The following CNTN6 variants were observed in gnomAD, a reference collection of about 807,000 sequenced individuals.
CNTN6 encodes the protein contactin-6.
A neutral mutation model predicts 122.8 loss-of-function variants in CNTN6; 137 were observed. That is an observed-to-expected ratio of 1.12 (90% CI 0.97 to 1.29). The LOEUF (loss-of-function observed/expected upper bound fraction) is 1.29. Ranked by LOEUF, CNTN6 falls within the 50% of genes most tolerant of loss-of-function variation. The probability of loss-of-function intolerance (pLI) is 0.00; values close to 1 mark genes in which losing one functional copy is unlikely to be tolerated. For missense variants in CNTN6, 1,634 were observed against 1,223.4 expected, an observed-to-expected ratio of 1.34 and a Z score of -5.01; for synonymous variants, 570 against 426.0, an observed-to-expected ratio of 1.34 and a Z score of -4.16.
intron 5 of CNTN6, among the ~76,000 whole-genome samples, chr3:1,280,867 C>G (rs947256568): frequency 6.6e-6 from 1 of 152,142 alleles, no homozygotes; most frequent in East Asian, 1.9e-4. Flanking sequence ...TCCTTGATAA[C>G]TGGCTGTTAA....
intron 5 of CNTN6, among the ~76,000 whole-genome samples, chr3:1,282,248 G>A (rs766846998): frequency 3.4e-5 from 5 of 146,788 alleles, no homozygotes; most frequent in Admixed American, 2.8e-4. Flanking sequence ...CTCCAGCATA[G>A]GCCTTCTGTG....
chr3:1,252,576 A>G (rs75357138), intron 4 of CNTN6, among the ~76,000 whole-genome samples: 1 of 152,188 alleles, frequency 6.6e-6, no homozygotes. Flanking sequence ...CATTTTCCCT[A>G]CTAGTCATTT....
intron 11 of CNTN6, among the ~76,000 whole-genome samples, chr3:1,335,257 T>C (rs1702887368): frequency 6.6e-6 from 1 of 152,146 alleles, no homozygotes; most frequent in Non-Finnish European, 1.5e-5. Context: ...ACTGCTACAT[T>C]GGATGTATTT....
chr3:1,116,207 T>C (rs1054758311), intron 1 of CNTN6, among the ~76,000 whole-genome samples: 1 of 152,006 alleles, frequency 6.6e-6, no homozygotes, highest in African/African-American at 2.4e-5. Context: ...TTAAGGGAAG[T>C]CCATTAATAA....
chr3:1,216,576 C>T (rs909430454), intron 2 of CNTN6, among the ~76,000 whole-genome samples: 18 of 152,174 alleles, frequency 1.2e-4, no homozygotes, highest in African/African-American at 4.1e-4. Context: ...TCATCATTTA[C>T]AGGAACACTA....
At chr3:1,210,183 C>T (rs1176118718) in intron 2 of CNTN6, among the ~76,000 whole-genome samples, 1 of 152,144 alleles carries the variant, frequency 6.6e-6, no homozygotes, top group Non-Finnish European at 1.5e-5. Context: ...TGACTTAAAG[C>T]TCCGGTCTGC....
chr3:1,303,738 A>G (rs905713709), intron 7 of CNTN6, among the ~76,000 whole-genome samples: 4 of 152,104 alleles, frequency 2.6e-5, no homozygotes, highest in Non-Finnish European at 5.9e-5. Context: ...TGAATAGTAG[A>G]CACCATAAAT....
intron 11 of CNTN6, among the ~76,000 whole-genome samples, chr3:1,335,982 T>C (rs1391048332): frequency 2.0e-5 from 3 of 151,890 alleles, no homozygotes; most frequent in Non-Finnish European, 4.4e-5. Context: ...CCCAGGATGT[T>C]GAGGCTGCAG....
intron 7 of CNTN6, among the ~76,000 whole-genome samples, chr3:1,307,690 C>A (rs988778986): frequency 6.6e-6 from 1 of 152,104 alleles, no homozygotes; most frequent in Non-Finnish European, 1.5e-5. Flanking sequence ...GTAGCAGAAT[C>A]TCAGACATTT....
chr3:1,334,595 G>A (rs1702783030), intron 11 of CNTN6, among the ~76,000 whole-genome samples: 1 of 152,016 alleles, frequency 6.6e-6, no homozygotes. Flanking sequence ...TTGCTTGGGT[G>A]ACCAGGTGAC....
chr3:1,216,441 T>C (rs1399633861), intron 2 of CNTN6, among the ~76,000 whole-genome samples: 1 of 152,228 alleles, frequency 6.6e-6, no homozygotes, highest in Non-Finnish European at 1.5e-5. Flanking sequence ...TATGTTCCTT[T>C]TCTTTTCAGG....
chr3:1,260,554 A>G (rs950763759), intron 4 of CNTN6, among the ~76,000 whole-genome samples: 1 of 151,980 alleles, frequency 6.6e-6, no homozygotes, highest in Non-Finnish European at 1.5e-5. Context: ...CCCTCAAATA[A>G]AACAAAAACT....
chr3:1,106,886 A>G (rs947837700), intron 1 of CNTN6, among the ~76,000 whole-genome samples: 25 of 152,154 alleles, frequency 1.6e-4, no homozygotes, highest in African/African-American at 4.6e-4. Flanking sequence ...GTCAATAATA[A>G]TAATAACAAT....
intron 1 of CNTN6, among the ~76,000 whole-genome samples, chr3:1,127,480 G>A (rs768608450): frequency 4.9e-4 from 74 of 151,800 alleles, no homozygotes; most frequent in Non-Finnish European, 9.3e-4. Flanking sequence ...ACATGTAAAC[G>A]CATAGACCTC....
At chr3:1,142,098 C>T (rs2092621252) in intron 1 of CNTN6, among the ~76,000 whole-genome samples, 1 of 151,966 alleles carries the variant, frequency 6.6e-6, no homozygotes, top group South Asian at 2.1e-4. Flanking sequence ...GCCTGAGGTC[C>T]AGCCATTATT....
rs201450079 is a variant in CNTN6 at position 1,220,791 on chromosome 3, G to A, written c.160G>A (p.Gly54Ser). ...SEVILNCAANGYPSPHYRWKQ... is the reference protein window; with the variant it reads ...SEVILNCAANSYPSPHYRWKQ... ...GGTCATCCTGAATTGTGCTGCTAAT[G>A]GTTACCCTTCGCCTCATTATAGGTA... is the stretch of plus-strand genomic sequence containing the variant. Residue 54 changes from glycine to serine, a missense_variant, in exon 3 of 23, where the codon GGT (glycine) becomes AGT (serine). Coordinates refer to ENST00000446702, the MANE Select transcript of CNTN6 (RefSeq NM_001289080.2). The A allele has an allele frequency of 8.1e-6, 13 of 1,609,456 alleles. No individual in the cohort carries two copies. Among genetic ancestry groups the A allele is most frequent in the African/African-American group, 2.7e-5 (2 of 74,686 alleles).
chr3:1,160,662 T>TAA (rs34452868), intron 2 of CNTN6, among the ~76,000 whole-genome samples: 20 of 136,266 alleles, frequency 1.5e-4, no homozygotes, highest in Non-Finnish European at 2.7e-4. Flanking sequence ...TAAATGTACG[T>TAA]AAAAAAAAAA....
chr3:1,361,912 T>C (rs1350515280), intron 12 of CNTN6, among the ~76,000 whole-genome samples: 2 of 152,018 alleles, frequency 1.3e-5, no homozygotes. Flanking sequence ...CTAAGCAGTA[T>C]AAATCAGGAA....
chr3:1,116,673 A>G (rs2091730810), intron 1 of CNTN6, among the ~76,000 whole-genome samples: 2 of 150,212 alleles, frequency 1.3e-5, no homozygotes, highest in Admixed American at 6.6e-5. Context: ...ATTGGATGCC[A>G]ATGGAGAATG....
Sources: gnomAD v4.1 joint callset for allele counts (sites outside exome capture counted in the v4.1 genomes callset) on GRCh38, gnomAD v4.1.1 for gene constraint, MANE v1.5 for transcripts, NCBI Gene and HGNC (gene_info 2026-07-23, HGNC 2026-07-21) for gene names.